TRA2A: variants seen among roughly 807,000 people sequenced by gnomAD.
TRA2A encodes the protein transformer-2 protein homolog alpha.
In TRA2A, 31 loss-of-function variants were observed where a neutral mutation model predicts 45.7. The observed-to-expected ratio is 0.68, with a 90% CI of 0.51 to 0.92. The LOEUF is 0.92. Among genes scored for constraint, TRA2A ranks in the 40% least tolerant of loss-of-function variants. The pLI is 0.00. For missense variants in TRA2A, 304 were observed against 367.5 expected (o/e 0.83, Z 1.41); for synonymous variants, 132 against 126.2 (o/e 1.05, Z -0.31).
chr7:23,528,606 A>AT lies in TRA2A; in HGVS notation c.36+3182dup, dbSNP rs144025647. Among the ~76,000 whole-genome samples the AT allele has an allele frequency of 8.6e-3, 1,314 of 152,042 alleles. 18 individuals carry two copies. Among genetic ancestry groups the AT allele is most frequent in the African/African-American group, 0.03 (1,240 of 41,460 alleles). On this transcript the variant is annotated intron_variant, in intron 1 of 7. Transcript: ENST00000297071. ...AAAGGACCCTCCCCCTATTTCTTCTATTTTTAACAAAAAATCTATACACAC... is the reference window on the plus strand; with the variant it reads ...AAAGGACCCTCCCCCTATTTCTTCTATTTTTTAACAAAAAATCTATACACAC...
chr7:23,510,014 A>T (rs568041786), intron 4 of TRA2A, among the ~76,000 whole-genome samples: 4 of 152,302 alleles, frequency 2.6e-5, no homozygotes, highest in African/African-American at 9.6e-5. Flanking sequence ...CGACAGGGCA[A>T]AGAGCAAGAC....
chr7:23,531,846 A>G lies in TRA2A; in HGVS notation c.-22T>C, dbSNP rs1790600118. ...TCATGTCGACGAGGCGCTCCCCAGA[A>G]CTAAATAAGAGACAAGTCTCGGCTC... On this transcript the variant is annotated 5_prime_UTR_variant, in exon 1 of 8. Coordinates refer to ENST00000297071, the MANE Select transcript of TRA2A (RefSeq NM_013293.5). 1.9e-6 allele frequency: 3 copies of G among 1,613,460 alleles called. No homozygotes were observed. Among genetic ancestry groups the G allele is most frequent in the Non-Finnish European group, 2.5e-6 (3 of 1,179,996 alleles).
At chr7:23,515,725 T>C (rs1562792672) in intron 3 of TRA2A, among the ~76,000 whole-genome samples, 1 of 151,076 alleles carries the variant, frequency 6.6e-6, no homozygotes, top group South Asian at 2.1e-4. Context: ...TTTGTATTTT[T>C]AGCAGAGATG....
chr7:23,517,505 G>GAGAA, intron 2 of TRA2A, among the ~76,000 whole-genome samples: 1 of 56,094 alleles, frequency 1.8e-5, no homozygotes, highest in Non-Finnish European at 3.8e-5. Flanking sequence ...AAAAAAAAAA[G>GAGAA]AGAGAAAGAA....
rs1044986766 is a variant in TRA2A at position 23,531,617 on chromosome 7, T to C, written c.36+172A>G. ...GGGGGAGGGGTGTTATCCGTGGTGT[T>C]TGGGGAAGGAGTGGAACCCAGAAGC... is the stretch of plus-strand genomic sequence containing the variant. On this transcript the variant is annotated intron_variant, in intron 1 of 7. Coordinates refer to ENST00000297071, the MANE Select transcript of TRA2A (RefSeq NM_013293.5). 13 of 664,576 alleles carry C rather than the reference T, an allele frequency of 2.0e-5. No homozygotes were observed. The African/African-American group carries it at 2.4e-4, about 12-fold the overall frequency. 41.2% of individuals were successfully genotyped at this position (664,576 alleles called of 1,614,324 possible).
At chr7:23,514,903 G>A (rs1789788639) in intron 3 of TRA2A, among the ~76,000 whole-genome samples, 1 of 152,204 alleles carries the variant, frequency 6.6e-6, no homozygotes, top group African/African-American at 2.4e-5. Context: ...GCATAGTACA[G>A]CATGCAAACA....
chr7:23,521,003 C>G (rs1282748836), intron 2 of TRA2A, among the ~76,000 whole-genome samples: 1 of 152,130 alleles, frequency 6.6e-6, no homozygotes, highest in Non-Finnish European at 1.5e-5. Context: ...TGTCTTAAAA[C>G]TTTTTATCCC....
In TRA2A at chr7:23,511,370, C is replaced by CAAAAAAAAA. The variant is rs567187750; in HGVS notation, c.525+1515_525+1523dup. On this transcript the variant is annotated intron_variant, in intron 4 of 7. Coordinates refer to ENST00000297071, the MANE Select transcript of TRA2A (RefSeq NM_013293.5). ...TGGGCGACAGAGCGAGACTCCATCTCAAAAAAAAAAAAAAAAAAAAAAAAA... is the reference window on the plus strand; with the variant it reads ...TGGGCGACAGAGCGAGACTCCATCTCAAAAAAAAAAAAAAAAAAAAAAAAAAAAAAAAAA... Among the ~76,000 whole-genome samples the CAAAAAAAAA allele has an allele frequency of 1.0e-3, 40 of 40,090 alleles. 1 individual carries two copies. The highest frequency in any genetic ancestry group is 1.7e-3 in the Admixed American group (4 of 2,328). The allele number at this position is 40,090 out of a possible 152,430, so 26.3% of individuals were successfully genotyped here. A position where few individuals can be genotyped will look rare whatever the true frequency, so the allele number is the denominator to read the frequency against.
At chr7:23,520,247 T>A (rs909313194) in intron 2 of TRA2A, among the ~76,000 whole-genome samples, 10 of 152,032 alleles carry the variant, frequency 6.6e-5, no homozygotes, top group Admixed American at 2.0e-4. Flanking sequence ...AAGAAACTCT[T>A]CAGGAGTCTC....
chr7:23,510,925 TGTTA>T (rs1464793718), intron 4 of TRA2A, among the ~76,000 whole-genome samples: 1 of 152,168 alleles, frequency 6.6e-6, no homozygotes, highest in African/African-American at 2.4e-5. Flanking sequence ...AGTACTAGTT[TGTTA>T]GAGTTATCCG....
At chr7:23,511,873 A>G (rs866047805) in intron 4 of TRA2A, among the ~76,000 whole-genome samples, 9 of 152,222 alleles carry the variant, frequency 5.9e-5, no homozygotes, top group African/African-American at 1.9e-4. Flanking sequence ...CTATTTTTCA[A>G]TTATTGAACA....
At chr7:23,512,758 G>C in intron 4 of TRA2A, 136 bp downstream of exon 4, 2 of 750,296 alleles carry the variant, frequency 2.7e-6, no homozygotes, top group Middle Eastern at 3.9e-4. Context: ...GCGCCTGGAC[G>C]CAAGATCCTA....
chr7:23,526,952 G>T (rs1383221135), intron 1 of TRA2A, among the ~76,000 whole-genome samples: 1 of 152,062 alleles, frequency 6.6e-6, no homozygotes, highest in Non-Finnish European at 1.5e-5. Context: ...CCATAATTGT[G>T]AAATCACCTG....
At chr7:23,528,414 G>C (rs1026660318) in intron 1 of TRA2A, among the ~76,000 whole-genome samples, 2 of 151,990 alleles carry the variant, frequency 1.3e-5, no homozygotes, top group Non-Finnish European at 2.9e-5. Flanking sequence ...CACCATATTG[G>C]CCAGGATGGT....
chr7:23,511,475 A>AAT (rs781688888), intron 4 of TRA2A, among the ~76,000 whole-genome samples: 87 of 150,334 alleles, frequency 5.8e-4, no homozygotes, highest in Middle Eastern at 3.4e-3. Flanking sequence ...GATATATACA[A>AAT]ATATATATAT....
chr7:23,530,297 AT>A (rs1415974377), intron 1 of TRA2A, among the ~76,000 whole-genome samples: 1 of 152,220 alleles, frequency 6.6e-6, no homozygotes, highest in African/African-American at 2.4e-5. Flanking sequence ...GTAAAAAAAA[AT>A]TCCAATCAAA....
chr7:23,522,162 T>C, intron 1 of TRA2A: 2 of 1,166,392 alleles, frequency 1.7e-6, no homozygotes, highest in Non-Finnish European at 2.1e-6. Context: ...CAGATTCTTT[T>C]AATTCTACTT....
intron 2 of TRA2A, among the ~76,000 whole-genome samples, chr7:23,517,122 T>G (rs1314592141): frequency 1.3e-5 from 2 of 151,384 alleles, no homozygotes; most frequent in African/African-American, 4.9e-5. Context: ...AAATAAATCC[T>G]TTGATTCTTA....
chr7:23,519,237 C>G (rs1355085743), intron 2 of TRA2A, among the ~76,000 whole-genome samples: 1 of 151,996 alleles, frequency 6.6e-6, no homozygotes, highest in Non-Finnish European at 1.5e-5. Context: ...ATTAAAAATA[C>G]AAAAAATTAG....
Sources: gnomAD v4.1 joint callset for allele counts (sites outside exome capture counted in the v4.1 genomes callset) on GRCh38, gnomAD v4.1.1 for gene constraint, MANE v1.5 for transcripts, NCBI Gene and HGNC (gene_info 2026-07-23, HGNC 2026-07-21) for gene names.